The following PHLDB2 variants were observed in gnomAD, a reference collection of about 807,000 sequenced individuals.
PHLDB2 encodes the protein pleckstrin homology-like domain family B member 2.
Under a neutral mutation model 123.6 loss-of-function variants are expected in PHLDB2, and 71 were observed. That is an observed-to-expected ratio of 0.57 (90% CI 0.47 to 0.70). The LOEUF (loss-of-function observed/expected upper bound fraction) is 0.70, where lower values mean the gene tolerates loss of function less well. Among genes scored for constraint, PHLDB2 ranks in the 30% least tolerant of loss-of-function variants. The pLI, the probability that PHLDB2 is intolerant of heterozygous loss-of-function variation, is 0.00. For missense variants in PHLDB2, 1,446 were observed against 1,519.5 expected, an observed-to-expected ratio of 0.95 and a Z score of 0.80; for synonymous variants, 547 against 541.6, an observed-to-expected ratio of 1.01 and a Z score of -0.14.
rs139226018 is a variant in PHLDB2, at chr3:111,809,362, G to T, written c.-48-36459G>T. 2.3e-3 allele frequency among the ~76,000 whole-genome samples: 352 copies of T among 152,288 alleles called. 1 individual carries two copies. The highest frequency in any genetic ancestry group is 8.0e-3 in the African/African-American group (333 of 41,558). On this transcript the variant is annotated intron_variant, in intron 1 of 17. Transcript: ENST00000393923. The stretch of plus-strand genomic sequence containing the variant: ...AATAAATATTTTCTTCTGCCTTTGG[G>T]TGACCTTATGCTCAACCTCTTCCCT...
upstream of PHLDB2, among the ~76,000 whole-genome samples, chr3:111,855,499 C>CT (rs1434479905): frequency 1.0e-4 from 6 of 57,774 alleles, no homozygotes; most frequent in Non-Finnish European, 2.0e-4. Flanking sequence ...TGCTTCCTTC[C>CT]TTCTTTTCTT....
chr3:111,840,242 C>A (rs1423641870), intron 1 of PHLDB2, among the ~76,000 whole-genome samples: 1 of 151,218 alleles, frequency 6.6e-6, no homozygotes, highest in African/African-American at 2.4e-5. Flanking sequence ...ACAGTGAGAC[C>A]CTGTCTCCAA....
intron 1 of PHLDB2, among the ~76,000 whole-genome samples, chr3:111,801,342 G>A (rs1287277591): frequency 2.6e-5 from 4 of 152,118 alleles, no homozygotes; most frequent in Admixed American, 2.6e-4. Context: ...AAGTTTCAAG[G>A]GGTAAGTAGA....
At chr3:111,942,439 T>C (rs2069965063) in intron 8 of PHLDB2, among the ~76,000 whole-genome samples, 1 of 152,234 alleles carries the variant, frequency 6.6e-6, no homozygotes, top group South Asian at 2.1e-4. Context: ...TGTGGCACTT[T>C]TGCAGTCATT....
At chr3:111,930,541 C>T (rs1282962) in intron 5 of PHLDB2, among the ~76,000 whole-genome samples, 3,438 of 152,100 alleles carry the variant, frequency 0.023, 127 homozygotes, top group African/African-American at 0.078. Flanking sequence ...ATCTTTGATG[C>T]ACACACATAG....
At chr3:111,938,627 T>C (rs2069654138) in intron 6 of PHLDB2, among the ~76,000 whole-genome samples, 2 of 152,246 alleles carry the variant, frequency 1.3e-5, no homozygotes, top group Non-Finnish European at 1.5e-5. Flanking sequence ...GTCTAATTTT[T>C]TTCTGCACAG....
At chr3:111,815,368 T>C (rs1177586314) in intron 1 of PHLDB2, among the ~76,000 whole-genome samples, 1 of 152,146 alleles carries the variant, frequency 6.6e-6, no homozygotes, top group East Asian at 1.9e-4. Context: ...CAGGAAAATG[T>C]GGGAAAGTTT....
intron 1 of PHLDB2, among the ~76,000 whole-genome samples, chr3:111,733,284 C>A (rs986500060): frequency 6.6e-6 from 1 of 152,260 alleles, no homozygotes. Context: ...CTTATCACAT[C>A]GGCAGCCAGG....
At chr3:111,922,494 G>A (rs907551827) in intron 5 of PHLDB2, among the ~76,000 whole-genome samples, 32 of 152,266 alleles carry the variant, frequency 2.1e-4, no homozygotes, top group African/African-American at 7.2e-4. Flanking sequence ...GGGGCTTGAC[G>A]CATAGGACCA....
intron 1 of PHLDB2, among the ~76,000 whole-genome samples, chr3:111,748,226 T>C (rs1024419856): frequency 2.6e-5 from 4 of 152,186 alleles, no homozygotes; most frequent in African/African-American, 9.7e-5. Flanking sequence ...CCACTAGCTA[T>C]GATTTCACCA....
intron 1 of PHLDB2, among the ~76,000 whole-genome samples, chr3:111,799,306 A>G (rs1398197873): frequency 2.0e-5 from 3 of 152,080 alleles, no homozygotes; most frequent in Non-Finnish European, 4.4e-5. Context: ...CAAAAAAATC[A>G]CTCTGAAATC....
At chr3:111,925,161 A>G (rs1220047296) in intron 5 of PHLDB2, among the ~76,000 whole-genome samples, 3 of 152,132 alleles carry the variant, frequency 2.0e-5, no homozygotes, top group African/African-American at 4.8e-5. Context: ...GAAATTACTG[A>G]TGTTATTTTT....
chr3:111,792,697 A>C (rs1297159765), intron 1 of PHLDB2, among the ~76,000 whole-genome samples: 1 of 152,046 alleles, frequency 6.6e-6, no homozygotes, highest in Non-Finnish European at 1.5e-5. Context: ...ACCAAACAAG[A>C]CCCTGTCTCA....
intron 7 of PHLDB2, among the ~76,000 whole-genome samples, chr3:111,939,994 A>G (rs2069762453): frequency 6.6e-6 from 1 of 152,192 alleles, no homozygotes; most frequent in Non-Finnish European, 1.5e-5. Context: ...GTAGTTCTCA[A>G]AACTGGCTGA....
At chr3:111,776,137 G>C (rs1172717344) in intron 1 of PHLDB2, among the ~76,000 whole-genome samples, 2 of 152,252 alleles carry the variant, frequency 1.3e-5, no homozygotes, top group Middle Eastern at 3.4e-3. Flanking sequence ...AGTCATGTAA[G>C]AATCAGTCTT....
At chr3:111,918,062 A>T (rs1194477418) in intron 3 of PHLDB2, among the ~76,000 whole-genome samples, 1 of 152,218 alleles carries the variant, frequency 6.6e-6, no homozygotes, top group Non-Finnish European at 1.5e-5. Flanking sequence ...TCATACTGAC[A>T]TATAGTATAT....
chr3:111,838,202 T>C (rs2063504486), intron 1 of PHLDB2, among the ~76,000 whole-genome samples: 1 of 152,208 alleles, frequency 6.6e-6, no homozygotes, highest in Admixed American at 6.5e-5. Context: ...GTTCTCGCTA[T>C]GTTGCCCAGG....
In PHLDB2 at chr3:111,974,744, C is replaced by A; in HGVS notation, c.*181C>A. On this transcript the variant is annotated 3_prime_UTR_variant, in exon 18 of 18. Transcript: ENST00000431670. ...AATAAAGAAGGGGTTTTAATACAAA[C>A]CTTCATAATAAATAGCAAAATAATT... 2.0e-6 allele frequency: 1 copy of A among 494,534 alleles called. No individual in the cohort carries two copies. Among genetic ancestry groups the A allele is most frequent in the Non-Finnish European group, 3.2e-6 (1 of 312,798 alleles). 30.6% of individuals were successfully genotyped at this position (494,534 alleles called of 1,614,324 possible).
upstream of PHLDB2, among the ~76,000 whole-genome samples, chr3:111,855,349 G>C (rs1384497351): frequency 6.6e-6 from 1 of 152,040 alleles, no homozygotes; most frequent in African/African-American, 2.4e-5. Context: ...TGATTAAACA[G>C]AAAACTTTAT....
Sources: allele counts gnomAD v4.1 joint callset (sites outside exome capture counted in the v4.1 genomes callset), GRCh38; gene constraint gnomAD v4.1.1; transcripts MANE v1.5; gene names NCBI Gene and HGNC (gene_info 2026-07-23, HGNC 2026-07-21).